Variants in SHISA9 observed in about 807,000 individuals in gnomAD.
The protein encoded by SHISA9 is shisa family member 9, also known as protein shisa-9.
A neutral mutation model predicts 38.0 loss-of-function variants in SHISA9; 13 were observed. The observed-to-expected ratio is 0.34, with a 90% CI of 0.22 to 0.54. The LOEUF is 0.54. Among genes scored for constraint, SHISA9 ranks in the 20% least tolerant of loss-of-function variants. SHISA9 has a pLI of 0.91. For synonymous variants in SHISA9, 275 were observed against 242.0 expected (o/e 1.14, Z -1.27); for missense variants, 538 against 575.8 (o/e 0.93, Z 0.67).
chr16:13,463,691 T>C, the SHISA9 span, among the ~76,000 whole-genome samples: 1 of 152,212 alleles, frequency 6.6e-6, no homozygotes, highest in Non-Finnish European at 1.5e-5. Context: ...CATTTCCAGT[T>C]TGGCAGCGCC....
chr16:13,415,143 A>C, the SHISA9 span, among the ~76,000 whole-genome samples: 1 of 152,244 alleles, frequency 6.6e-6, no homozygotes, highest in Non-Finnish European at 1.5e-5. Context: ...CATGATGTAC[A>C]GAAAAACCTT....
chr16:12,910,269 T>C lies in SHISA9; in HGVS notation c.564-6419T>C, dbSNP rs1224633356. 3.8e-5 allele frequency: 5 copies of C among 130,026 alleles called. No homozygotes were observed. In the East Asian group the frequency reaches 1.5e-3, roughly 40 times the overall value. 8.1% of individuals were successfully genotyped at this position (130,026 alleles called of 1,614,324 possible). On this transcript the variant is annotated intron_variant, in intron 1 of 4. Transcript: ENST00000558583. Reference sequence around the variant, plus strand: ...GCAAGTAAGAGTTCTGCATTTGATATCCTGGTTTACCTGGCACAACAAAGT... The same window carrying C: ...GCAAGTAAGAGTTCTGCATTTGATACCCTGGTTTACCTGGCACAACAAAGT...
the SHISA9 span, among the ~76,000 whole-genome samples, chr16:13,449,172 TA>T: frequency 1.0e-3 from 153 of 152,244 alleles, no homozygotes; most frequent in Non-Finnish European, 2.0e-3. Context: ...ATGATTCCCT[TA>T]AAAAATAGAG....
At chr16:12,952,801 T>G (rs2071776521) in intron 2 of SHISA9, among the ~76,000 whole-genome samples, 2 of 152,188 alleles carry the variant, frequency 1.3e-5, no homozygotes. Context: ...GTGAGTCAAT[T>G]GACCCTCTTT....
chr16:12,996,350 A>G lies in SHISA9; in HGVS notation c.691+79535A>G, dbSNP rs779899844. ...AAGCCCATTTTCCCACGTAGCAACC[A>G]TCAGCTGGAGGTGAGTAGCAGCTGT... On this transcript the variant is annotated intron_variant, in intron 2 of 4. Transcript: ENST00000558583. 2.0e-4 allele frequency among the ~76,000 whole-genome samples: 31 copies of G among 152,224 alleles called. 1 individual carries two copies. The highest frequency in any genetic ancestry group is 7.2e-4 in the Admixed American group (11 of 15,268).
At chr16:13,481,372 A>G in the SHISA9 span, among the ~76,000 whole-genome samples, 12 of 152,334 alleles carry the variant, frequency 7.9e-5, no homozygotes, top group South Asian at 1.2e-3. Context: ...TTTGTTAACT[A>G]TAGTCACTCT....
chr16:13,206,677 T>G (rs1446581085), intron 3 of SHISA9, among the ~76,000 whole-genome samples: 1 of 152,238 alleles, frequency 6.6e-6, no homozygotes, highest in Non-Finnish European at 1.5e-5. Context: ...ACACAGGATG[T>G]GCAAACTGAC....
downstream of SHISA9, among the ~76,000 whole-genome samples, chr16:13,244,740 T>C (rs1395892537): frequency 6.6e-6 from 1 of 152,232 alleles, no homozygotes; most frequent in African/African-American, 2.4e-5. Flanking sequence ...TAGGGTCAGC[T>C]GTATATGTGC....
chr16:13,420,883 G>T, the SHISA9 span, among the ~76,000 whole-genome samples: 1 of 152,172 alleles, frequency 6.6e-6, no homozygotes, highest in Non-Finnish European at 1.5e-5. Context: ...ATCCTCTCAC[G>T]TAGACATTGA....
intron 2 of SHISA9, among the ~76,000 whole-genome samples, chr16:13,069,824 G>C (rs2073489868): frequency 6.6e-6 from 1 of 152,096 alleles, no homozygotes; most frequent in African/African-American, 2.4e-5. Context: ...CCTTATGAAA[G>C]ATGTCCCAGA....
intron 2 of SHISA9, among the ~76,000 whole-genome samples, chr16:13,098,658 A>G (rs4781409): frequency 0.075 from 11,383 of 152,256 alleles, 619 homozygotes; most frequent in Admixed American, 0.19. Context: ...AGGCTGCAGG[A>G]GGCAGGATGT....
chr16:13,172,733 T>C (rs796711252), intron 2 of SHISA9, among the ~76,000 whole-genome samples: 7 of 149,266 alleles, frequency 4.7e-5, no homozygotes, highest in African/African-American at 1.7e-4. Flanking sequence ...AATTCACTTA[T>C]CTTGATGATT....
At chr16:13,188,485 A>T (rs1037647193) in intron 2 of SHISA9, among the ~76,000 whole-genome samples, 1 of 152,160 alleles carries the variant, frequency 6.6e-6, no homozygotes, top group African/African-American at 2.4e-5. Flanking sequence ...TCAGAGGCCA[A>T]CGTGAGAGGA....
the SHISA9 span, among the ~76,000 whole-genome samples, chr16:13,279,704 C>A: frequency 6.6e-6 from 1 of 151,898 alleles, no homozygotes; most frequent in South Asian, 2.1e-4. Context: ...ACATCTTTAT[C>A]TAAAATATCT....
chr16:13,554,900 A>C, the SHISA9 span, among the ~76,000 whole-genome samples: 2 of 152,260 alleles, frequency 1.3e-5, no homozygotes. Flanking sequence ...GAAGAAAAGA[A>C]GAAGGTGGAG....
the SHISA9 span, among the ~76,000 whole-genome samples, chr16:13,274,100 C>T: frequency 5.3e-5 from 8 of 152,296 alleles, no homozygotes; most frequent in African/African-American, 1.4e-4. Flanking sequence ...ATCCATAACA[C>T]ATGCCATTGG....
the SHISA9 span, among the ~76,000 whole-genome samples, chr16:13,317,392 C>G: frequency 1.8e-4 from 27 of 152,342 alleles, no homozygotes; most frequent in African/African-American, 5.0e-4. Flanking sequence ...GCAGGGAGTT[C>G]TTCAAGAGGA....
intron 1 of SHISA9, among the ~76,000 whole-genome samples, chr16:12,913,003 C>A (rs1348059900): frequency 6.6e-6 from 1 of 152,124 alleles, no homozygotes; most frequent in Admixed American, 6.5e-5. Flanking sequence ...GTGTCACCCC[C>A]TCACAAAGGC....
rs1001327602 is a variant in SHISA9 at position 13,213,281 on chromosome 16, G to A, written c.876G>A (p.Ser292=). 1.7e-5 allele frequency: 26 copies of A among 1,551,616 alleles called. No homozygotes were observed. Among genetic ancestry groups the A allele is most frequent in the Admixed American group, 9.8e-5 (5 of 50,980 alleles). ...GTTCTGATGGTGACTGGGCAGTATCGACACTTAAGTCACCAAAAGGTACTG... is the reference window on the plus strand; with the variant it reads ...GTTCTGATGGTGACTGGGCAGTATCAACACTTAAGTCACCAAAAGGTACTG... ...VGSSDGDWAV[S]TLKSPKADKV... is the part of the protein sequence containing the mutation. Residue 292 remains serine (S), a synonymous_variant, in exon 4 of 5, where the codon TCG becomes TCA. Coordinates refer to ENST00000558583, the MANE Select transcript of SHISA9 (RefSeq NM_001145204.3).
Sources: gnomAD v4.1 joint callset for allele counts (sites outside exome capture counted in the v4.1 genomes callset) on GRCh38, gnomAD v4.1.1 for gene constraint, MANE v1.5 for transcripts, NCBI Gene and HGNC (gene_info 2026-07-23, HGNC 2026-07-21) for gene names.